LDB3: variants seen among roughly 807,000 people sequenced by gnomAD.
LDB3 encodes LIM domain binding 3, also known as LIM domain-binding protein 3.
Under a neutral mutation model 69.0 loss-of-function variants are expected in LDB3, and 49 were observed. The observed-to-expected ratio is 0.71, with a 90% CI of 0.56 to 0.90. The LOEUF is 0.90. Among genes scored for constraint, LDB3 ranks in the 40% least tolerant of loss-of-function variants. LDB3 has a pLI of 0.00. For missense variants in LDB3, 928 were observed against 974.1 expected (o/e 0.95, Z 0.63); for synonymous variants, 387 against 396.2 (o/e 0.98, Z 0.28).
chr10:86,666,970 C>A (rs1564624833), upstream of LDB3: 1 of 414,004 alleles, frequency 2.4e-6, no homozygotes, highest in Middle Eastern at 5.6e-4. Context: ...TAGGAAAGGG[C>A]ATAAGGCTGG....
In LDB3 at chr10:86,733,303, A is replaced by C; in HGVS notation, c.*327A>C. 2.8e-6 allele frequency: 1 copy of C among 359,132 alleles called. No individual in the cohort carries two copies. The highest frequency in any genetic ancestry group is 5.4e-6 in the Non-Finnish European group (1 of 184,860). The allele number at this position is 359,132 out of a possible 1,614,324, so 22.2% of individuals were successfully genotyped here. On this transcript the variant is annotated 3_prime_UTR_variant, in exon 14 of 14. Coordinates refer to ENST00000361373, the MANE Select transcript of LDB3 (RefSeq NM_007078.3). The stretch of plus-strand genomic sequence containing the variant: ...CCAAAGCGATACACTTGCTTTGGTC[A>C]CCAGAGGAGGACAGAGCTTAGAGCA...
chr10:86,721,352 T>C (rs538678548), intron 12 of LDB3, among the ~76,000 whole-genome samples: 1 of 152,334 alleles, frequency 6.6e-6, no homozygotes, highest in South Asian at 2.1e-4. Context: ...GGGAGTCCTG[T>C]CAAATCTGCA....
At chr10:86,727,844 AT>A (rs34295502) in intron 13 of LDB3, among the ~76,000 whole-genome samples, 3 of 85,638 alleles carry the variant, frequency 3.5e-5, no homozygotes, top group Non-Finnish European at 5.4e-5. Flanking sequence ...TTTTTTTTTT[AT>A]TTTTTTTTTG....
intron 5 of LDB3, among the ~76,000 whole-genome samples, chr10:86,685,379 C>T (rs1199258947): frequency 1.3e-5 from 2 of 152,164 alleles, no homozygotes; most frequent in Admixed American, 6.5e-5. Flanking sequence ...TTCATGTATG[C>T]GGTACGAGTG....
At chr10:86,712,213 A>C (rs1285205795) in intron 9 of LDB3, among the ~76,000 whole-genome samples, 1 of 152,048 alleles carries the variant, frequency 6.6e-6, no homozygotes, top group Non-Finnish European at 1.5e-5. Flanking sequence ...AGCCCCAAGC[A>C]AGGAAGCCGT....
At chr10:86,690,454 C>T (rs1437777988) in intron 5 of LDB3, among the ~76,000 whole-genome samples, 1 of 152,236 alleles carries the variant, frequency 6.6e-6, no homozygotes, top group Non-Finnish European at 1.5e-5. Context: ...CTTTCCCAAC[C>T]GATCCCAACC....
In LDB3 at chr10:86,716,266, G is replaced by A. The variant is rs200461642; in HGVS notation, c.1232-61G>A. The A allele has an allele frequency of 3.2e-3, 5,076 of 1,583,656 alleles. 8 individuals are homozygous for A. Among genetic ancestry groups the A allele is most frequent in the Non-Finnish European group, 3.9e-3 (4,460 of 1,154,770 alleles). ...TTGCATTTCTCTGGCTAGGAGTGAG[G>A]GGAACTGGGAAGAATGAATTCCTGA... On this transcript the variant is annotated intron_variant, in intron 9 of 13. Coordinates refer to ENST00000361373, the MANE Select transcript of LDB3 (RefSeq NM_007078.3).
At chr10:86,695,591 A>G (rs1168663868) in intron 7 of LDB3, among the ~76,000 whole-genome samples, 1 of 152,210 alleles carries the variant, frequency 6.6e-6, no homozygotes, top group Non-Finnish European at 1.5e-5. Flanking sequence ...CCTTCTGCCT[A>G]CTTCCACATG....
rs1846147568 is a variant in LDB3, at chr10:86,699,242, TCTC to T, written c.896+6672_896+6674del. 2.1e-5 allele frequency: 3 copies of T among 144,214 alleles called. No individual in the cohort carries two copies. The highest frequency in any genetic ancestry group is 1.0e-4 in the South Asian group (1 of 9,884). The allele number at this position is 144,214 out of a possible 1,614,324, so 8.9% of individuals were successfully genotyped here. ...CTCTTTCTGTCTCTGTCTCTGTTTC[TCTC>T]TCTCTCTCTCTCTCTCTCTCTCTGT... On this transcript the variant is annotated intron_variant, in intron 7 of 13. Transcript: ENST00000361373. This position sits in a 1 kb window ranked among gnomAD's most constrained non-coding sequence, Gnocchi z 4.9.
At chr10:86,725,672 G>C (rs530564500) in intron 12 of LDB3, among the ~76,000 whole-genome samples, 1 of 152,330 alleles carries the variant, frequency 6.6e-6, no homozygotes. Flanking sequence ...ACTGTTTATA[G>C]TAGTAAAAAC....
intron 9 of LDB3, among the ~76,000 whole-genome samples, chr10:86,712,322 C>T (rs906388249): frequency 3.3e-5 from 5 of 152,162 alleles, no homozygotes; most frequent in Non-Finnish European, 5.9e-5. Flanking sequence ...TAAGGCCTTC[C>T]GATGGAGGGA....
intron 9 of LDB3, among the ~76,000 whole-genome samples, chr10:86,713,307 C>T (rs1846739196): frequency 6.6e-6 from 1 of 151,962 alleles, no homozygotes; most frequent in African/African-American, 2.4e-5. Flanking sequence ...AGTACAATGG[C>T]ACGACTTCGA....
intron 7 of LDB3, among the ~76,000 whole-genome samples, chr10:86,694,585 C>G (rs1436388528): frequency 6.6e-6 from 1 of 152,182 alleles, no homozygotes; most frequent in Non-Finnish European, 1.5e-5. Context: ...TCTGGAGGGG[C>G]TCCTCTCCCT....
intron 9 of LDB3, among the ~76,000 whole-genome samples, chr10:86,715,801 G>A (rs1356998176): frequency 1.3e-5 from 2 of 152,060 alleles, no homozygotes; most frequent in African/African-American, 2.4e-5. Context: ...AGTAATTGTA[G>A]CTAAACCTGA....
chr10:86,696,753 C>T (rs998920817), intron 7 of LDB3, among the ~76,000 whole-genome samples: 1 of 152,202 alleles, frequency 6.6e-6, no homozygotes, highest in African/African-American at 2.4e-5. Context: ...CAAGGAGCCC[C>T]ACCACATGGA....
chr10:86,683,013 A>T (rs1273968669), intron 5 of LDB3, among the ~76,000 whole-genome samples: 3 of 151,080 alleles, frequency 2.0e-5, no homozygotes, highest in Non-Finnish European at 4.4e-5. Flanking sequence ...CCCTTACCCA[A>T]GGTGACAGAG....
At chr10:86,696,255 C>T (rs1290511116) in intron 7 of LDB3, among the ~76,000 whole-genome samples, 1 of 152,224 alleles carries the variant, frequency 6.6e-6, no homozygotes, top group African/African-American at 2.4e-5. Context: ...CAGCATAGGG[C>T]CCTCCTGCCA....
At position 86,727,840 on chromosome 10, in the gene LDB3, TTTTA is replaced by T. The variant is rs1314212284; in HGVS notation, c.2094+1592_2094+1595del. 5.7e-4 allele frequency among the ~76,000 whole-genome samples: 80 copies of T among 139,364 alleles called. 3 individuals carry two copies. The highest frequency in any genetic ancestry group is 2.5e-3 in the East Asian group (8 of 3,220). The allele number at this position is 139,364 out of a possible 152,430, so 91.4% of individuals were successfully genotyped here. ...GTCTCTGTGTGGGTCTCCTTTTTTT[TTTTA>T]TTTTTTTTTTGAGATGGAGTTTCCC... is the stretch of plus-strand genomic sequence containing the variant. On this transcript the variant is annotated intron_variant, in intron 13 of 13. Coordinates refer to ENST00000361373, the MANE Select transcript of LDB3 (RefSeq NM_007078.3).
intron 4 of LDB3, 76 bp downstream of exon 4, chr10:86,680,233 C>A: frequency 7.4e-7 from 1 of 1,353,560 alleles, no homozygotes. Context: ...CCTGCCTGGT[C>A]TTTGGCTGGC....
Sources: allele counts gnomAD v4.1 joint callset (sites outside exome capture counted in the v4.1 genomes callset), GRCh38; gene constraint gnomAD v4.1.1; non-coding constraint Gnocchi (gnomAD v3.1); transcripts MANE v1.5; gene names NCBI Gene and HGNC (gene_info 2026-07-23, HGNC 2026-07-21).